The following TGM7 variants were observed in gnomAD, a reference collection of about 807,000 sequenced individuals.
The protein encoded by TGM7 is protein-glutamine gamma-glutamyltransferase Z.
A neutral mutation model predicts 79.5 loss-of-function variants in TGM7; 74 were observed. That is an observed-to-expected ratio of 0.93 (90% CI 0.77 to 1.13). The LOEUF (loss-of-function observed/expected upper bound fraction) is 1.13. Ranked by LOEUF, TGM7 falls within the 50% of genes most tolerant of loss-of-function variation. The pLI, the probability that TGM7 is intolerant of heterozygous loss-of-function variation, is 0.00. For missense variants in TGM7, 912 were observed against 905.9 expected, an observed-to-expected ratio of 1.01 and a Z score of -0.09; for synonymous variants, 354 against 362.5, an observed-to-expected ratio of 0.98 and a Z score of 0.27.
At chr15:43,292,596 G>T (rs1033035400) in intron 3 of TGM7, 113 bp downstream of exon 3, 2 of 1,312,666 alleles carry the variant, frequency 1.5e-6, no homozygotes, top group Admixed American at 4.3e-5. Context: ...GAGAGCACAC[G>T]CTACTACATT....
Position 43,297,587 on chromosome 15 carries a change from T to TAGAAAGAAAGAAAGAAAGAAAGAA in TGM7, c.11-3980_11-3957dup, listed in dbSNP as rs3038034. Among the ~76,000 whole-genome samples the TAGAAAGAAAGAAAGAAAGAAAGAA allele has an allele frequency of 5.0e-3, 568 of 114,552 alleles. 10 individuals carry two copies. Among genetic ancestry groups the TAGAAAGAAAGAAAGAAAGAAAGAA allele is most frequent in the Middle Eastern group, 0.019 (5 of 260 alleles). 75.2% of individuals were successfully genotyped at this position (114,552 alleles called of 152,430 possible). A position where few individuals can be genotyped will look rare whatever the true frequency, so the allele number is the denominator to read the frequency against. On this transcript the variant is annotated intron_variant, in intron 1 of 12. Transcript: ENST00000452443. ...ACATTGAAACAGCCATCTGCATGTA[T>TAGAAAGAAAGAAAGAAAGAAAGAA]AGAAAGAAAGAAAGAAAGAAAGAAA...
chr15:43,279,044 G>A (rs1708911842), intron 11 of TGM7, 73 bp downstream of exon 11: 3 of 1,508,024 alleles, frequency 2.0e-6, no homozygotes, highest in South Asian at 2.5e-5. Context: ...GTGTCTTGTT[G>A]GCTGCTGCAC....
Position 43,287,609 on chromosome 15 carries a change from T to G in TGM7, c.619A>C (p.Lys207Gln). 1 of 1,614,152 alleles carries G rather than the reference T, an allele frequency of 6.2e-7. No individual in the cohort carries two copies. Among genetic ancestry groups the G allele is most frequent in the African/African-American group, 1.3e-5 (1 of 75,028 alleles). Residue 207 changes from lysine (K) to glutamine (Q), a missense_variant, in exon 5 of 13, where the codon AAG becomes CAG. By Grantham distance (53) the Lys-to-Gln change is moderately conservative. Coordinates refer to ENST00000452443, the MANE Select transcript of TGM7 (RefSeq NM_052955.3). The stretch of plus-strand genomic sequence containing the variant: ...TGGGAACAGTCTTTGGCCGGGTTCT[T>G]TAAGTGATACAGGCTCTTGTTCAGG... ...EILNKSLYHL[K>Q]NPAKDCSQRN...
chr15:43,301,725 G>A (rs369350748), intron 1 of TGM7, among the ~76,000 whole-genome samples: 4 of 152,084 alleles, frequency 2.6e-5, no homozygotes, highest in South Asian at 2.1e-4. Context: ...CCCAGCCTGC[G>A]GGGGCCTGTT....
At chr15:43,299,071 T>C (rs1487729606) in intron 1 of TGM7, among the ~76,000 whole-genome samples, 1 of 152,174 alleles carries the variant, frequency 6.6e-6, no homozygotes, top group Non-Finnish European at 1.5e-5. Context: ...AGACTAAAAA[T>C]TAGTATGTAC....
intron 10 of TGM7, 111 bp from the exon 11 acceptor site, chr15:43,279,388 G>T: frequency 7.8e-7 from 1 of 1,284,188 alleles, no homozygotes; most frequent in Non-Finnish European, 1.1e-6. Flanking sequence ...GTAAAAGTGT[G>T]TGTGAGAGAC....
Position 43,276,429 on chromosome 15 carries a change from C to T in TGM7, c.*26G>A, listed in dbSNP as rs199763429. The T allele has an allele frequency of 7.5e-4, 1,201 of 1,600,490 alleles. 6 individuals carry two copies. The African/African-American group carries it at 0.014, about 19-fold the overall frequency. On this transcript the variant is annotated 3_prime_UTR_variant, in exon 13 of 13. Coordinates refer to ENST00000452443, the MANE Select transcript of TGM7 (RefSeq NM_052955.3). Reference sequence around the variant, plus strand: ...AAGGAGCCAGGTGGGGCAGGGGTGCCAGGGAGGGCAGCTGGAGGGCGGGTC... The same window carrying T: ...AAGGAGCCAGGTGGGGCAGGGGTGCTAGGGAGGGCAGCTGGAGGGCGGGTC...
At chr15:43,301,576 G>A (rs551620765) in intron 1 of TGM7, among the ~76,000 whole-genome samples, 1 of 150,374 alleles carries the variant, frequency 6.7e-6, no homozygotes, top group South Asian at 2.1e-4. Flanking sequence ...GATGCAGTGA[G>A]CCGAGATCGC....
Position 43,287,341 on chromosome 15 carries a change from G to C in TGM7, c.804C>G (p.Ala268=), listed in dbSNP as rs148842948. The change falls in exon 6 of 13, where the codon GCC becomes GCG. Residue 268 remains alanine (A), a synonymous_variant. Transcript: ENST00000452443. Reference sequence around the variant, plus strand: ...CGTACTTCACAGGCTGCCCGCCCCTGGCTGACCACTGCTGTAGGATGGCCA... The same window carrying C: ...CGTACTTCACAGGCTGCCCGCCCCTCGCTGACCACTGCTGTAGGATGGCCA... ...GSVAILQQWS[A]RGGQPVKYGQ... is the part of the protein sequence containing the mutation. The C allele has an allele frequency of 5.0e-6, 8 of 1,614,116 alleles. No individual in the cohort carries two copies. The African/African-American group carries it at 6.7e-5, about 13-fold the overall frequency.
intron 1 of TGM7, among the ~76,000 whole-genome samples, chr15:43,298,676 C>G (rs749239446): frequency 2.6e-5 from 4 of 152,010 alleles, no homozygotes; most frequent in African/African-American, 4.8e-5. Flanking sequence ...TTGCTTGAAC[C>G]CGGGAGGCGG....
At chr15:43,282,465 C>A (rs12591919) in intron 8 of TGM7, 52 bp downstream of exon 8, 85 of 1,495,088 alleles carry the variant, frequency 5.7e-5, no homozygotes, top group East Asian at 3.7e-4. Context: ...GGCCAGTCAC[C>A]CTAATCTGCC....
Position 43,288,586 on chromosome 15 carries a change from T to G in TGM7, c.559-917A>C, listed in dbSNP as rs369794335. Among the ~76,000 whole-genome samples the G allele has an allele frequency of 2.0e-5, 3 of 152,288 alleles. No homozygotes were observed. The East Asian group carries it at 5.8e-4, about 29-fold the overall frequency. ...ACATGACTATATTCTGAAGTACTAT[T>G]GGATTAAATATGCTGAAGTGTTACT... On this transcript the variant is annotated intron_variant, in intron 4 of 12. Transcript: ENST00000452443.
intron 11 of TGM7, 90 bp downstream of exon 11, chr15:43,279,027 G>T: frequency 7.1e-7 from 1 of 1,399,896 alleles, no homozygotes. Context: ...GGTGAGAGGT[G>T]GGAACAGTGT....
At position 43,287,524 on chromosome 15, in the gene TGM7, G is replaced by A. The variant is rs1192010539; in HGVS notation, c.687+17C>T. The stretch of plus-strand genomic sequence containing the variant: ...AGCTCAGACTGTCCTCAGACGGCGG[G>A]AAGCATCCATCCTTACCATGGCACT... On this transcript the variant is annotated intron_variant, in intron 5 of 12. Transcript: ENST00000452443. The A allele has an allele frequency of 3.1e-6, 5 of 1,613,042 alleles. No homozygotes were observed. Among genetic ancestry groups the A allele is most frequent in the Non-Finnish European group, 4.2e-6 (5 of 1,179,408 alleles).
intron 4 of TGM7, among the ~76,000 whole-genome samples, chr15:43,290,947 C>A (rs978699687): frequency 6.6e-6 from 1 of 152,190 alleles, no homozygotes; most frequent in African/African-American, 2.4e-5. Flanking sequence ...TGTCTATCAG[C>A]TTAAGGAGAT....
chr15:43,287,309 C>A lies in TGM7; in HGVS notation c.836G>T (p.Cys279Phe). ...RGGQPVKYGQ[C>F]WVFASVMCTV... is the part of the protein sequence containing the mutation. ...GCACATAACAGAGGCGAAGACCCAG[C>A]ACTGTCCGTACTTCACAGGCTGCCC... is the stretch of plus-strand genomic sequence containing the variant. Residue 279 changes from cysteine (C) to phenylalanine (F), a missense_variant, in exon 6 of 13, where the codon TGC (cysteine) becomes TTC (phenylalanine). Physicochemically the swap from Cys to Phe is radical, Grantham distance 205 (BLOSUM62 -2). Transcript: ENST00000452443. 1 of 1,613,846 alleles carries A rather than the reference C, an allele frequency of 6.2e-7. No individual in the cohort carries two copies. The highest frequency in any genetic ancestry group is 8.5e-7 in the Non-Finnish European group (1 of 1,180,014).
At chr15:43,278,820 TCA>T (rs2042890643) in intron 11 of TGM7, among the ~76,000 whole-genome samples, 1 of 152,248 alleles carries the variant, frequency 6.6e-6, no homozygotes, top group African/African-American at 2.4e-5. Flanking sequence ...CATCTCCTAG[TCA>T]CTGCCTTTCC....
At chr15:43,281,464 A>G (rs1039388324) in intron 9 of TGM7, among the ~76,000 whole-genome samples, 39 of 152,336 alleles carry the variant, frequency 2.6e-4, no homozygotes, top group African/African-American at 9.1e-4. Flanking sequence ...ACAACAAATT[A>G]TTTTTAGTAT....
chr15:43,293,360 G>C, intron 2 of TGM7, 89 bp downstream of exon 2: 1 of 1,465,550 alleles, frequency 6.8e-7, no homozygotes, highest in Non-Finnish European at 9.1e-7. Context: ...GGGCAGCTCA[G>C]GTGGGAAAGG....
Sources: allele counts gnomAD v4.1 joint callset (sites outside exome capture counted in the v4.1 genomes callset), GRCh38; gene constraint gnomAD v4.1.1; transcripts MANE v1.5; gene names NCBI Gene and HGNC (gene_info 2026-07-23, HGNC 2026-07-21).